Variants in LYST observed in about 807,000 individuals in gnomAD.
The protein encoded by LYST is lysosomal-trafficking regulator.
Under a neutral mutation model 413.6 loss-of-function variants are expected in LYST, and 192 were observed. That is an observed-to-expected ratio of 0.46 (90% CI 0.41 to 0.52). The LOEUF (loss-of-function observed/expected upper bound fraction) is 0.52, where lower values mean the gene tolerates loss of function less well. Ranked by LOEUF, LYST falls within the 20% of genes least tolerant of loss-of-function variation. The pLI, the probability that LYST is intolerant of heterozygous loss-of-function variation, is 0.00. For synonymous variants in LYST, 1,525 were observed against 1,567.3 expected (o/e 0.97, Z 0.64); for missense variants, 3,815 against 4,499.9 (o/e 0.85, Z 4.35).
Position 235,676,322 on chromosome 1 carries a change from T to G in LYST, c.11038+769A>C, listed in dbSNP as rs538436389. Among the ~76,000 whole-genome samples the G allele has an allele frequency of 3.9e-5, 6 of 152,312 alleles. No homozygotes were observed. The East Asian group carries it at 1.2e-3, about 29-fold the overall frequency. ...TTTACGGGAGGCCAATGTTTTAGAC[T>G]GAGCTCCTGCACTAGGCCCTAACAT... On this transcript the variant is annotated intron_variant, in intron 50 of 52. Coordinates refer to ENST00000389793, the MANE Select transcript of LYST (RefSeq NM_000081.4).
chr1:235,738,243 G>T, intron 31 of LYST: 1 of 1,610,988 alleles, frequency 6.2e-7, no homozygotes, highest in South Asian at 1.1e-5. Context: ...CTCTGGCAAA[G>T]ACTATACTGT....
Position 235,702,871 on chromosome 1 carries a change from A to G in LYST, c.10250T>C (p.Met3417Thr), listed in dbSNP as rs1341191403. The stretch of plus-strand genomic sequence containing the variant: ...GGCTCCAGGTCTGCTCACATGGGCC[A>G]TGTGGAACAGCTGACGGGGAGTCTG... The part of the protein sequence containing the change: ...YGQTPRQLFH[M>T]AHVSRPGAKL... The change falls in exon 45 of 53, where the codon ATG becomes ACG. Residue 3417 changes from methionine (M) to threonine (T), a missense_variant. By Grantham distance (81) the Met-to-Thr change is moderately conservative (BLOSUM62 -1). This residue lies in a region of LYST where 866 missense variants were observed against 1,156.0 expected (regional missense o/e 0.75). Transcript: ENST00000389793. 6.2e-7 allele frequency: 1 copy of G among 1,614,208 alleles called. No homozygotes were observed. The highest frequency in any genetic ancestry group is 1.7e-5 in the Admixed American group (1 of 60,028).
intron 8 of LYST, among the ~76,000 whole-genome samples, chr1:235,801,423 C>A (rs905723371): frequency 2.0e-5 from 3 of 151,484 alleles, no homozygotes; most frequent in South Asian, 2.1e-4. Context: ...TGACCCCCCC[C>A]TCAAATACCT....
intron 3 of LYST, among the ~76,000 whole-genome samples, chr1:235,816,159 A>AAAAAG (rs1558293409): frequency 9.0e-6 from 1 of 111,708 alleles, no homozygotes; most frequent in Admixed American, 9.9e-5. Context: ...AAAAAAAAAA[A>AAAAAG]GGCTGGGCAT....
At position 235,712,069 on chromosome 1, in the gene LYST, C is replaced by T. The variant is rs777656503; in HGVS notation, c.9913G>A (p.Val3305Ile). The T allele has an allele frequency of 1.3e-6, 2 of 1,541,898 alleles. No individual in the cohort carries two copies. The highest frequency in any genetic ancestry group is 2.5e-5 in the East Asian group (1 of 40,790). The change falls in exon 43 of 53, where the codon GTT (valine) becomes ATT (isoleucine). Residue 3305 changes from valine to isoleucine, a missense_variant. Val to Ile is a conservative substitution (Grantham distance 29, BLOSUM62 3). This residue lies in a region of LYST where 866 missense variants were observed against 1,156.0 expected (regional missense o/e 0.75). Coordinates refer to ENST00000389793, the MANE Select transcript of LYST (RefSeq NM_000081.4). ...TTTATTGCTATACCTTCACGGTTAACTAGGAACTCTGGAAGATAGAAAAAC... is the reference window on the plus strand; with the variant it reads ...TTTATTGCTATACCTTCACGGTTAATTAGGAACTCTGGAAGATAGAAAAAC... ...PEFFYLPEFL[V>I]NREGFDFGVR...
chr1:235,679,839 T>A (rs1305656273), intron 48 of LYST, among the ~76,000 whole-genome samples: 1 of 152,144 alleles, frequency 6.6e-6, no homozygotes, highest in East Asian at 1.9e-4. Context: ...GGTGCCGTTT[T>A]CCATTTCTTC....
At chr1:235,857,269 T>A (rs972230865) in intron 1 of LYST, among the ~76,000 whole-genome samples, 4 of 152,100 alleles carry the variant, frequency 2.6e-5, no homozygotes, top group African/African-American at 9.7e-5. Flanking sequence ...TGGTTGTGGA[T>A]GTTGAAAATA....
chr1:235,750,471 T>G (rs183923522), intron 28 of LYST, among the ~76,000 whole-genome samples: 1 of 152,288 alleles, frequency 6.6e-6, no homozygotes, highest in Non-Finnish European at 1.5e-5. Flanking sequence ...TGAACTTAAG[T>G]GAATTTAAGA....
At position 235,814,046 on chromosome 1, in the gene LYST, T is replaced by C. The variant is rs191139147; in HGVS notation, c.193-985A>G. 4.6e-5 allele frequency among the ~76,000 whole-genome samples: 7 copies of C among 152,220 alleles called. No individual in the cohort carries two copies. The East Asian group carries it at 9.7e-4, about 21-fold the overall frequency. On this transcript the variant is annotated intron_variant, in intron 3 of 52. Coordinates refer to ENST00000389793, the MANE Select transcript of LYST (RefSeq NM_000081.4). ...GGAAAAGGAGACATATTTGAGAAACTGTAAGGTAGAACTAAAATAACTTGC... is the reference window on the plus strand; with the variant it reads ...GGAAAAGGAGACATATTTGAGAAACCGTAAGGTAGAACTAAAATAACTTGC...
At position 235,781,139 on chromosome 1, in the gene LYST, T is replaced by C. The variant is rs1026195798; in HGVS notation, c.5024-84A>G. On this transcript the variant is annotated intron_variant, in intron 15 of 52. Coordinates refer to ENST00000389793, the MANE Select transcript of LYST (RefSeq NM_000081.4). ...AAAAGCAAGAAACCAGGAATTATTT[T>C]TTGTAGCCAGATTCTTTCAGTTGTT... 10 of 863,936 alleles carry C rather than the reference T, an allele frequency of 1.2e-5. No individual in the cohort carries two copies. In the Admixed American group the frequency reaches 2.1e-4, roughly 18 times the overall value. The allele number at this position is 863,936 out of a possible 1,614,324, so 53.5% of individuals were successfully genotyped here.
At chr1:235,786,064 A>G (rs1019639794) in intron 14 of LYST, among the ~76,000 whole-genome samples, 1 of 152,218 alleles carries the variant, frequency 6.6e-6, no homozygotes, top group Non-Finnish European at 1.5e-5. Context: ...TAGCCTTATT[A>G]GCCACTTAAT....
chr1:235,810,391 T>C lies in LYST; in HGVS notation c.427A>G (p.Ser143Gly). The change falls in exon 5 of 53, where the codon AGC (serine) becomes GGC (glycine). Residue 143 changes from serine (S) to glycine (G), a missense_variant. Physicochemically the swap from Ser to Gly is moderately conservative, Grantham distance 56. Coordinates refer to ENST00000389793, the MANE Select transcript of LYST (RefSeq NM_000081.4). The part of the protein sequence containing the change: ...VSAKVNVFRK[S>G]RRQRKITHRY... ...TGGGTAATTTTACGCTGTCGTCTGCTTTTTCGAAAAACATTTACTTTTGCA... is the reference window on the plus strand; with the variant it reads ...TGGGTAATTTTACGCTGTCGTCTGCCTTTTCGAAAAACATTTACTTTTGCA... 6.2e-7 allele frequency: 1 copy of C among 1,612,194 alleles called. No individual in the cohort carries two copies. Among genetic ancestry groups the C allele is most frequent in the Non-Finnish European group, 8.5e-7 (1 of 1,179,308 alleles).
chr1:235,778,093 A>G (rs1305152758), intron 16 of LYST, among the ~76,000 whole-genome samples: 1 of 131,180 alleles, frequency 7.6e-6, no homozygotes, highest in East Asian at 2.0e-4. Context: ...CAGTTAACCC[A>G]GTTAAATATA....
chr1:235,806,484 CTT>C lies in LYST; in HGVS notation c.2650_2651del (p.Lys884GlufsTer6). 6.2e-7 allele frequency: 1 copy of C among 1,614,108 alleles called. No individual in the cohort carries two copies. The highest frequency in any genetic ancestry group is 8.5e-7 in the Non-Finnish European group (1 of 1,179,994). The stretch of plus-strand genomic sequence containing the variant: ...CATCTTGGTTAACAGTCTTCCGTCT[CTT>C]TGGATAAGCTTCTTTGAGGCCAGCA... ...FYAGLKEAYP[K>X]RRKTVNQDVH... On this transcript the variant is annotated frameshift_variant, in exon 6 of 53. Coordinates refer to ENST00000389793, the MANE Select transcript of LYST (RefSeq NM_000081.4). LOFTEE classifies it high-confidence loss of function.
rs193022070 is a variant in LYST at position 235,841,679 on chromosome 1, T to G, written c.-97-8012A>C. On this transcript the variant is annotated intron_variant, in intron 1 of 52. Transcript: ENST00000389793. ...ATAAGTGTGGATTGGATCAAGGGTA[T>G]AGGTGAAGAGGTTAGGCTGGGGCGG... 3.2e-4 allele frequency among the ~76,000 whole-genome samples: 49 copies of G among 152,140 alleles called. 1 individual carries two copies. The highest frequency in any genetic ancestry group is 3.0e-3 in the Admixed American group (46 of 15,280).
intron 9 of LYST, 121 bp downstream of exon 9, chr1:235,800,750 C>T: frequency 1.4e-6 from 1 of 711,546 alleles, no homozygotes; most frequent in South Asian, 1.8e-5. Context: ...ACCTGAGGTA[C>T]CAGAAAAGAT....
In LYST at chr1:235,759,412, T is replaced by C. The variant is rs780731939; in HGVS notation, c.6441A>G (p.Gln2147=). 15 of 1,614,014 alleles carry C rather than the reference T, an allele frequency of 9.3e-6. No homozygotes were observed. The highest frequency in any genetic ancestry group is 1.2e-5 in the Non-Finnish European group (14 of 1,179,982). ...DTYVATQSKK[Q]NSLGSSDTLK... The stretch of plus-strand genomic sequence containing the variant: ...GTGTGTCGGAACTCCCCAAAGAATT[T>C]TGTTTCTTTGATTGGGTGGCAACAT... The change falls in exon 23 of 53, where the codon CAA becomes CAG. Residue 2147 remains glutamine, a synonymous_variant. Transcript: ENST00000389793.
In LYST at chr1:235,704,833, T is replaced by C. The variant is rs541499258; in HGVS notation, c.10144-1856A>G. Reference sequence around the variant, plus strand: ...TCTAAGAAAGGCCAATTGCAATGGCTACTTAATGTACTCAAAAAATCAAAT... The same window carrying C: ...TCTAAGAAAGGCCAATTGCAATGGCCACTTAATGTACTCAAAAAATCAAAT... On this transcript the variant is annotated intron_variant, in intron 44 of 52. Transcript: ENST00000389793. Among the ~76,000 whole-genome samples the C allele has an allele frequency of 3.3e-5, 5 of 152,328 alleles. No homozygotes were observed. The East Asian group carries it at 7.7e-4, about 23-fold the overall frequency.
intron 1 of LYST, among the ~76,000 whole-genome samples, chr1:235,843,288 T>A (rs1677429002): frequency 6.6e-6 from 1 of 152,180 alleles, no homozygotes; most frequent in South Asian, 2.1e-4. Flanking sequence ...TTTATTAATA[T>A]GCTCCAGCTC....
Sources: gnomAD v4.1 joint callset for allele counts (sites outside exome capture counted in the v4.1 genomes callset) on GRCh38, gnomAD v4.1.1 for gene constraint, gnomAD v4.1.1 regional missense constraint, MANE v1.5 for transcripts, NCBI Gene and HGNC (gene_info 2026-07-23, HGNC 2026-07-21) for gene names.